Variants in SLFN5 observed in about 807,000 individuals in gnomAD.
The protein encoded by SLFN5 is schlafen family member 5.
A neutral mutation model predicts 48.5 loss-of-function variants in SLFN5; 34 were observed. The observed-to-expected ratio is 0.70, with a 90% CI of 0.53 to 0.93. The LOEUF (loss-of-function observed/expected upper bound fraction) is 0.93, where lower values mean the gene tolerates loss of function less well. Among genes scored for constraint, SLFN5 ranks in the 40% least tolerant of loss-of-function variants. The pLI is 0.00. For synonymous variants in SLFN5, 387 were observed against 396.2 expected (o/e 0.98, Z 0.28); for missense variants, 1,006 against 1,071.3 (o/e 0.94, Z 0.85).
At chr17:35,246,425 A>T (rs897491313) in intron 1 of SLFN5, among the ~76,000 whole-genome samples, 7 of 152,208 alleles carry the variant, frequency 4.6e-5, no homozygotes, top group African/African-American at 1.7e-4. Flanking sequence ...CCCAGCAGCC[A>T]TTAGCACCAT....
Position 35,259,263 on chromosome 17 carries a change from G to T in SLFN5, c.573G>T (p.Glu191Asp), listed in dbSNP as rs1473866728. 1 of 1,614,142 alleles carries T rather than the reference G, an allele frequency of 6.2e-7. No individual in the cohort carries two copies. The highest frequency in any genetic ancestry group is 8.5e-7 in the Non-Finnish European group (1 of 1,180,038). Reference protein sequence around the residue: ...LQYLEKLNLPESTHVEFVMFS... With the variant: ...LQYLEKLNLPDSTHVEFVMFS... The stretch of plus-strand genomic sequence containing the variant: ...ATCTGGAAAAACTCAACCTTCCTGA[G>T]TCCACACATGTTGAATTTGTAATGT... Residue 191 changes from glutamate to aspartate, a missense_variant, in exon 2 of 5, where the codon GAG becomes GAT. Transcript: ENST00000299977.
At position 35,266,783 on chromosome 17, in the gene SLFN5, A is replaced by G. The variant is rs932791955; in HGVS notation, c.*895A>G. 1 of 152,236 alleles carries G rather than the reference A, an allele frequency of 6.6e-6. No individual in the cohort carries two copies. The highest frequency in any genetic ancestry group is 2.4e-5 in the African/African-American group (1 of 41,458). 9.4% of individuals were successfully genotyped at this position (152,236 alleles called of 1,614,324 possible). On this transcript the variant is annotated 3_prime_UTR_variant, in exon 5 of 5. Coordinates refer to ENST00000299977, the MANE Select transcript of SLFN5 (RefSeq NM_144975.4). ...TCAACAAAACGACAAAGTCAGTTTA[A>G]TATCTTTCTTCTGCTGAGTCTTCAG...
rs1375992769 is a variant in SLFN5 at position 35,269,607 on chromosome 17, T to G, written c.*3719T>G. Reference sequence around the variant, plus strand: ...GCCTGGGCAGTTACAAGGACCTAGGTAGCAGGGGTGACTTGGCCACAGTCA... The same window carrying G: ...GCCTGGGCAGTTACAAGGACCTAGGGAGCAGGGGTGACTTGGCCACAGTCA... On this transcript the variant is annotated 3_prime_UTR_variant, in exon 5 of 5. Transcript: ENST00000299977. The G allele has an allele frequency of 6.6e-6, 1 of 152,200 alleles. No individual in the cohort carries two copies. The allele number at this position is 152,200 out of a possible 1,614,324, so 9.4% of individuals were successfully genotyped here.
intron 1 of SLFN5, among the ~76,000 whole-genome samples, chr17:35,255,004 G>A (rs947747629): frequency 5.9e-5 from 9 of 152,222 alleles, no homozygotes; most frequent in Non-Finnish European, 8.8e-5. Context: ...GCAATAGAGC[G>A]AGGCTCTGTC....
intron 3 of SLFN5, among the ~76,000 whole-genome samples, chr17:35,263,226 G>A (rs1904572291): frequency 6.6e-6 from 1 of 152,094 alleles, no homozygotes; most frequent in East Asian, 1.9e-4. Context: ...CGCCTCCTGG[G>A]TTTAAGCGAT....
intron 1 of SLFN5, among the ~76,000 whole-genome samples, chr17:35,253,219 C>T (rs951838452): frequency 2.0e-5 from 3 of 152,102 alleles, no homozygotes; most frequent in Non-Finnish European, 4.4e-5. Context: ...GGTACATCAT[C>T]ATGACCTAAT....
chr17:35,265,672 T>C lies in SLFN5; in HGVS notation c.2460T>C (p.His820=). 1 of 1,614,164 alleles carries C rather than the reference T, an allele frequency of 6.2e-7. No individual in the cohort carries two copies. Among genetic ancestry groups the C allele is most frequent in the Non-Finnish European group, 8.5e-7 (1 of 1,179,988 alleles). Residue 820 remains histidine (H), a synonymous_variant, in exon 5 of 5, where the codon CAT becomes CAC. Coordinates refer to ENST00000299977, the MANE Select transcript of SLFN5 (RefSeq NM_144975.4). The part of the protein sequence containing the change: ...AMRKRKLSQL[H]EESDLLLQIG... ...GGAAGAGAAAACTGTCTCAGCTCCA[T>C]GAGGAGTCTGATCTGTTACTACAGA...
In SLFN5 at chr17:35,266,252, T is replaced by C. The variant is rs1904693188; in HGVS notation, c.*364T>C. The C allele has an allele frequency of 6.1e-6, 1 of 164,834 alleles. No individual in the cohort carries two copies. Among genetic ancestry groups the C allele is most frequent in the Non-Finnish European group, 1.3e-5 (1 of 76,576 alleles). 10.2% of individuals were successfully genotyped at this position (164,834 alleles called of 1,614,324 possible). The stretch of plus-strand genomic sequence containing the variant: ...TTTGGGTGGTCAGGGAAGTGCTCAG[T>C]GAGGGAAGAACTTGTCATGAGAATC... On this transcript the variant is annotated 3_prime_UTR_variant, in exon 5 of 5. Transcript: ENST00000299977.
intron 1 of SLFN5, among the ~76,000 whole-genome samples, chr17:35,251,818 A>G (rs1171846395): frequency 6.9e-6 from 1 of 145,528 alleles, no homozygotes; most frequent in Non-Finnish European, 1.5e-5. Flanking sequence ...GGTTCAAGCG[A>G]TTCTCCTGCC....
intron 1 of SLFN5, among the ~76,000 whole-genome samples, chr17:35,256,994 C>G (rs1904362470): frequency 6.6e-6 from 1 of 152,140 alleles, no homozygotes; most frequent in African/African-American, 2.4e-5. Context: ...CTATTGTGAA[C>G]TGTGCATGTG....
At position 35,271,349 on chromosome 17, in the gene SLFN5, G is replaced by T. The variant is rs951159056; in HGVS notation, c.*5461G>T. ...CAAGAAAAAATGAATTGAGAAGAAA[G>T]TAGTGGTTTTAAGAAGGAAAGGAGA... On this transcript the variant is annotated 3_prime_UTR_variant, in exon 5 of 5. Transcript: ENST00000299977. 2 of 152,122 alleles carry T rather than the reference G, an allele frequency of 1.3e-5. No individual in the cohort carries two copies. The highest frequency in any genetic ancestry group is 4.8e-5 in the African/African-American group (2 of 41,426). 9.4% of individuals were successfully genotyped at this position (152,122 alleles called of 1,614,324 possible).
intron 1 of SLFN5, among the ~76,000 whole-genome samples, chr17:35,256,888 T>C (rs1904359357): frequency 1.3e-5 from 2 of 152,178 alleles, no homozygotes; most frequent in East Asian, 1.9e-4. Context: ...GGAACCAGGC[T>C]GAACAGCAGG....
chr17:35,259,837 T>G (rs998082311), intron 2 of SLFN5, 135 bp downstream of exon 2: 2 of 1,019,778 alleles, frequency 2.0e-6, no homozygotes, highest in East Asian at 5.1e-5. Context: ...ATTGTCTGAC[T>G]TATTAATCCC....
chr17:35,263,778 G>C (rs147513357), intron 3 of SLFN5, among the ~76,000 whole-genome samples: 1 of 130,958 alleles, frequency 7.6e-6, no homozygotes, highest in African/African-American at 3.0e-5. Context: ...AGCCGAGATC[G>C]CACCACTGGT....
In SLFN5 at chr17:35,258,751, G is replaced by T; in HGVS notation, c.61G>T (p.Val21Phe). 1 of 1,614,186 alleles carries T rather than the reference G, an allele frequency of 6.2e-7. No homozygotes were observed. Among genetic ancestry groups the T allele is most frequent in the Non-Finnish European group, 8.5e-7 (1 of 1,180,038 alleles). Residue 21 changes from valine (V) to phenylalanine (F), a missense_variant, in exon 2 of 5, where the codon GTC becomes TTC. Val to Phe is a conservative substitution (Grantham distance 50). Coordinates refer to ENST00000299977, the MANE Select transcript of SLFN5 (RefSeq NM_144975.4). Reference sequence around the variant, plus strand: ...TGAGTGTGTTGTAGATGCAGGAAAAGTCACCCTTGGGACTCAGCAGAGGCA... The same window carrying T: ...TGAGTGTGTTGTAGATGCAGGAAAATTCACCCTTGGGACTCAGCAGAGGCA... The part of the protein sequence containing the change: ...FPECVVDAGK[V>F]TLGTQQRQEM...
chr17:35,259,816 T>G, intron 2 of SLFN5, 114 bp downstream of exon 2: 1 of 1,280,438 alleles, frequency 7.8e-7, no homozygotes, highest in Non-Finnish European at 1.1e-6. Context: ...AGATTTACTC[T>G]CTGATTTGCA....
Position 35,265,980 on chromosome 17 carries a change from T to G in SLFN5, c.*92T>G. On this transcript the variant is annotated 3_prime_UTR_variant, in exon 5 of 5. Coordinates refer to ENST00000299977, the MANE Select transcript of SLFN5 (RefSeq NM_144975.4). ...TCCAAACATGTAAGCACACACTCAC[T>G]TATTAAGTCACATACTTTTCTAGGT... The G allele has an allele frequency of 7.5e-7, 1 of 1,329,148 alleles. No individual in the cohort carries two copies. The highest frequency in any genetic ancestry group is 1.5e-5 in the African/African-American group (1 of 68,068). The allele number at this position is 1,329,148 out of a possible 1,614,324, so 82.3% of individuals were successfully genotyped here.
In SLFN5 at chr17:35,259,088, C is replaced by T; in HGVS notation, c.398C>T (p.Ala133Val). The part of the protein sequence containing the change: ...TSTDVMDSQE[A>V]LAFLKCRTQT... ...ACCGATGTCATGGATTCTCAGGAAG[C>T]TCTGGCATTCCTCAAATGCAGGACT... Residue 133 changes from alanine (A) to valine (V), a missense_variant, in exon 2 of 5, where the codon GCT (alanine) becomes GTT (valine). Physicochemically the swap from Ala to Val is moderately conservative, Grantham distance 64. Coordinates refer to ENST00000299977, the MANE Select transcript of SLFN5 (RefSeq NM_144975.4). 1 of 1,614,136 alleles carries T rather than the reference C, an allele frequency of 6.2e-7. No homozygotes were observed. Among genetic ancestry groups the T allele is most frequent in the Non-Finnish European group, 8.5e-7 (1 of 1,180,030 alleles).
chr17:35,258,593 T>C (rs1904411140), intron 1 of SLFN5, 58 bp from the exon 2 acceptor site: 2 of 1,458,422 alleles, frequency 1.4e-6, no homozygotes, highest in Non-Finnish European at 1.8e-6. Context: ...AATCTGTTGG[T>C]TTTCCTGCCT....
Sources: gnomAD v4.1 joint callset for allele counts (sites outside exome capture counted in the v4.1 genomes callset) on GRCh38, gnomAD v4.1.1 for gene constraint, MANE v1.5 for transcripts, NCBI Gene and HGNC (gene_info 2026-07-23, HGNC 2026-07-21) for gene names.